Variants in SCLY observed in about 807,000 individuals in gnomAD.
SCLY encodes selenocysteine lyase, also known as putative selenocysteine lyase.
SCLY carries 38 observed loss-of-function variants against 50.1 expected under a neutral mutation model. The observed-to-expected ratio is 0.76, with a 90% CI of 0.59 to 0.99. The LOEUF (loss-of-function observed/expected upper bound fraction) is 0.99, where lower values mean the gene tolerates loss of function less well. Ranked by LOEUF, SCLY falls within the 50% of genes least tolerant of loss-of-function variation. The pLI is 0.00. For missense variants in SCLY, 600 were observed against 620.0 expected (o/e 0.97, Z 0.34); for synonymous variants, 243 against 249.4 (o/e 0.97, Z 0.24).
At chr2:238,086,034 A>G (rs181781884) in intron 7 of SCLY, among the ~76,000 whole-genome samples, 419 of 152,334 alleles carry the variant, frequency 2.8e-3, no homozygotes, top group Non-Finnish European at 4.9e-3. Context: ...CTTCACCAGT[A>G]TGGGAAAAAG....
intron 8 of SCLY, chr2:238,093,560 C>G: frequency 2.4e-6 from 1 of 419,378 alleles, no homozygotes; most frequent in East Asian, 4.3e-5. Context: ...GGAGTCTGTT[C>G]CCCTCTTCCC....
intron 11 of SCLY, among the ~76,000 whole-genome samples, chr2:238,097,311 T>G (rs148190752): frequency 3.2e-4 from 48 of 152,288 alleles, no homozygotes; most frequent in Middle Eastern, 3.4e-3. Flanking sequence ...GATTCTCAGA[T>G]AGCAGGGCCC....
In SCLY at chr2:238,098,660, T is replaced by TAGGAACGCCCACATGGG. The variant is rs1691353333; in HGVS notation, c.*307_*308insGAACGCCCACATGGGAG. The TAGGAACGCCCACATGGG allele has an allele frequency of 2.3e-6, 1 of 431,066 alleles. No homozygotes were observed. Among genetic ancestry groups the TAGGAACGCCCACATGGG allele is most frequent in the African/African-American group, 2.1e-5 (1 of 48,740 alleles). 26.7% of individuals were successfully genotyped at this position (431,066 alleles called of 1,614,324 possible). ...GACCGCCCACATGGGACCGCCCACA[T>TAGGAACGCCCACATGGG]AGAACCGTCCTCCAGTGGTGAAGCG... On this transcript the variant is annotated 3_prime_UTR_variant, in exon 12 of 12. Transcript: ENST00000254663.
intron 7 of SCLY, among the ~76,000 whole-genome samples, chr2:238,089,532 C>T (rs1275975991): frequency 6.6e-6 from 1 of 152,158 alleles, no homozygotes; most frequent in African/African-American, 2.4e-5. Context: ...CCAAGTCTTA[C>T]ACCAAGCTTG....
In SCLY at chr2:238,067,414, G is replaced by A. The variant is rs2065080752; in HGVS notation, c.203-651G>A. Among the ~76,000 whole-genome samples, 1 of 152,184 alleles carries A rather than the reference G, an allele frequency of 6.6e-6. No individual in the cohort carries two copies. The highest frequency in any genetic ancestry group is 1.5e-5 in the Non-Finnish European group (1 of 68,040). The stretch of plus-strand genomic sequence containing the variant: ...AAAAAAGTTTGGGGACTCCTGGTGT[G>A]TACACTAAGAATGGTCACTGAAACT... On this transcript the variant is annotated intron_variant, in intron 2 of 11. Transcript: ENST00000254663. This position sits in a 1 kb window ranked among gnomAD's most constrained non-coding sequence, Gnocchi z 4.3.
chr2:238,076,683 G>A (rs2441680), intron 4 of SCLY, among the ~76,000 whole-genome samples: 45 of 149,234 alleles, frequency 3.0e-4, no homozygotes, highest in African/African-American at 1.1e-3. Flanking sequence ...AATCCCCCTC[G>A]GTGAGAAACA....
chr2:238,076,892 C>T (rs2065180608), intron 4 of SCLY, among the ~76,000 whole-genome samples: 1 of 151,754 alleles, frequency 6.6e-6, no homozygotes, highest in Non-Finnish European at 1.5e-5. Context: ...AGACATATAT[C>T]CTAGAGTATA....
chr2:238,091,073 A>G (rs2065356756), intron 7 of SCLY, 145 bp from the exon 8 acceptor site: 1 of 760,730 alleles, frequency 1.3e-6, no homozygotes, highest in African/African-American at 1.7e-5. Flanking sequence ...TGGGGCCTGC[A>G]GCTGCCATTG....
In SCLY at chr2:238,093,926, C is replaced by T. The variant is rs370862451; in HGVS notation, c.987C>T (p.Tyr329=). Residue 329 remains tyrosine (Y), a synonymous_variant, in exon 9 of 12, where the codon TAC becomes TAT. Coordinates refer to ENST00000254663, the MANE Select transcript of SCLY (RefSeq NM_016510.7). ...YEAHMRDVRD[Y]LEERLEAEFG... ...CCCACATGAGGGACGTCCGCGACTA[C>T]CTGGAAGAGAGGCTGGAAGTGAGCG... The T allele has an allele frequency of 3.5e-5, 56 of 1,613,854 alleles. 1 individual carries two copies. In the South Asian group the frequency reaches 5.9e-4, roughly 17 times the overall value.
At chr2:238,070,821 G>C (rs930108112) in intron 4 of SCLY, among the ~76,000 whole-genome samples, 1 of 150,950 alleles carries the variant, frequency 6.6e-6, no homozygotes, top group Non-Finnish European at 1.5e-5. Flanking sequence ...AGTACTGTTA[G>C]TTTTTGGTAC....
intron 8 of SCLY, chr2:238,092,850 T>A (rs2065380094): frequency 2.0e-5 from 3 of 153,030 alleles, no homozygotes. Flanking sequence ...TCTGCCTTGG[T>A]TGCGTGCTGG....
intron 10 of SCLY, chr2:238,095,869 T>G (rs1419613091): frequency 6.6e-6 from 1 of 152,074 alleles, no homozygotes; most frequent in Non-Finnish European, 1.5e-5. Context: ...GCCTCCCTAG[T>G]AGCTGGGACT....
intron 7 of SCLY, among the ~76,000 whole-genome samples, chr2:238,088,220 G>A (rs1281098138): frequency 6.6e-6 from 1 of 152,182 alleles, no homozygotes; most frequent in African/African-American, 2.4e-5. Context: ...CCAGAACTTT[G>A]GGAGGCCAAG....
In SCLY at chr2:238,066,629, C is replaced by T. The variant is rs78223907; in HGVS notation, c.203-1436C>T. On this transcript the variant is annotated intron_variant, in intron 2 of 11. Coordinates refer to ENST00000254663, the MANE Select transcript of SCLY (RefSeq NM_016510.7). The surrounding 1 kb of genome is among the most constrained non-coding windows in gnomAD (Gnocchi z 4.1). ...AGAGGCAGAGTCAGGTTTGGAACAT[C>T]GTTTGAACACAGAGCCTACAGCATT... Among the ~76,000 whole-genome samples the T allele has an allele frequency of 3.2e-3, 490 of 152,210 alleles. 2 individuals carry two copies. Among genetic ancestry groups the T allele is most frequent in the African/African-American group, 0.011 (461 of 41,540 alleles).
chr2:238,083,190 A>G lies in SCLY; in HGVS notation c.778-58A>G. 1 of 1,190,480 alleles carries G rather than the reference A, an allele frequency of 8.4e-7. No homozygotes were observed. Among genetic ancestry groups the G allele is most frequent in the Non-Finnish European group, 1.3e-6 (1 of 794,070 alleles). The allele number at this position is 1,190,480 out of a possible 1,614,324, so 73.7% of individuals were successfully genotyped here. ...GTGTGCCCCTAAGCACTTAGCATGT[A>G]TACAGAGTAGGTCCTTGGAAAGTTC... On this transcript the variant is annotated intron_variant, in intron 6 of 11. Transcript: ENST00000254663. This position sits in a 1 kb window ranked among gnomAD's most constrained non-coding sequence, Gnocchi z 4.3.
intron 4 of SCLY, chr2:238,081,473 C>T: frequency 4.1e-6 from 2 of 488,472 alleles, no homozygotes; most frequent in Admixed American, 3.8e-5. Flanking sequence ...AGGCACACAG[C>T]TTCCACGACA....
At chr2:238,094,120 G>A in intron 9 of SCLY, 176 bp downstream of exon 9, 1 of 657,048 alleles carries the variant, frequency 1.5e-6, no homozygotes, top group Non-Finnish European at 2.6e-6. Flanking sequence ...ATTGGGATCT[G>A]AAACCCCGAA....
At chr2:238,086,708 T>TAAAAAAAA (rs386393003) in intron 7 of SCLY, among the ~76,000 whole-genome samples, 10 of 97,708 alleles carry the variant, frequency 1.0e-4, no homozygotes, top group African/African-American at 3.0e-4. Flanking sequence ...CCTGTCTCTT[T>TAAAAAAAA]AAAAAAAAAA....
At chr2:238,087,272 G>T (rs539201849) in intron 7 of SCLY, among the ~76,000 whole-genome samples, 14 of 151,844 alleles carry the variant, frequency 9.2e-5, no homozygotes, top group Admixed American at 1.3e-4. Flanking sequence ...CCTCTAGCAA[G>T]ACTGACCAAA....
Sources: allele counts gnomAD v4.1 joint callset (sites outside exome capture counted in the v4.1 genomes callset), GRCh38; gene constraint gnomAD v4.1.1; non-coding constraint Gnocchi (gnomAD v3.1); transcripts MANE v1.5; gene names NCBI Gene and HGNC (gene_info 2026-07-23, HGNC 2026-07-21).